AP4M1: variants seen among roughly 807,000 people sequenced by gnomAD.
AP4M1 encodes AP-4 complex subunit mu-1.
In AP4M1, 58 loss-of-function variants were observed where a neutral mutation model predicts 62.4. The observed-to-expected ratio is 0.93, with a 90% CI of 0.75 to 1.16. The LOEUF (loss-of-function observed/expected upper bound fraction) is 1.16, where lower values mean the gene tolerates loss of function less well. Ranked by LOEUF, AP4M1 falls within the 50% of genes most tolerant of loss-of-function variation. The probability of loss-of-function intolerance (pLI) is 0.00; values close to 1 mark genes in which losing one functional copy is unlikely to be tolerated. For missense variants in AP4M1, 626 were observed against 585.4 expected, an observed-to-expected ratio of 1.07 and a Z score of -0.72; for synonymous variants, 290 against 239.7, an observed-to-expected ratio of 1.21 and a Z score of -1.94.
chr7:100,101,589 C>T (rs1321860581), upstream of AP4M1: 3 of 1,068,306 alleles, frequency 2.8e-6, no homozygotes, highest in East Asian at 7.3e-5. Context: ...TCCCGCGGTC[C>T]GAGCTGGCGC....
At chr7:100,105,411 A>C in intron 10 of AP4M1, 34 bp from the exon 11 acceptor site, 1 of 1,613,322 alleles carries the variant, frequency 6.2e-7, no homozygotes, top group Non-Finnish European at 8.5e-7. Flanking sequence ...GGGTCGTGAG[A>C]CCAAACTAAC....
intron 2 of AP4M1, 124 bp from the exon 3 acceptor site, chr7:100,102,551 A>G (rs775044649): frequency 2.5e-6 from 2 of 803,408 alleles, no homozygotes; most frequent in Non-Finnish European, 4.2e-6. Flanking sequence ...TATGTCATGT[A>G]TCTCCCAAAG....
chr7:100,101,840 T>C, intron 1 of AP4M1, 40 bp from the exon 2 acceptor site: 1 of 1,612,308 alleles, frequency 6.2e-7, no homozygotes, highest in East Asian at 2.2e-5. Context: ...AGGGCCAGCC[T>C]GTGTCGCAGG....
In AP4M1 at chr7:100,106,305, C is replaced by T; in HGVS notation, c.1025+14C>T. On this transcript the variant is annotated intron_variant, in intron 13 of 14. Transcript: ENST00000359593. ...AGGGGTGGTCAGGTGAGTGTGTGCA[C>T]CCACCACGGGGAGATTCCTGGGGAG... 1 of 1,613,826 alleles carries T rather than the reference C, an allele frequency of 6.2e-7. No individual in the cohort carries two copies. The highest frequency in any genetic ancestry group is 8.5e-7 in the Non-Finnish European group (1 of 1,179,850).
rs753585341 is a variant in AP4M1 at position 100,108,566 on chromosome 7, AGAGG to A, written c.*1690_*1693del. ...CTGCAGAACAGAAAAAAAGCCAGGT[AGAGG>A]GAGGGCTGGGGAAAAAAGCCAGGTA... On this transcript the variant is annotated 3_prime_UTR_variant, in exon 15 of 15. Transcript: ENST00000359593. 3.8e-6 allele frequency: 6 copies of A among 1,576,144 alleles called. No individual in the cohort carries two copies. The South Asian group carries it at 6.8e-5, about 18-fold the overall frequency.
Position 100,107,302 on chromosome 7 carries a change from TC to T in AP4M1, c.*423del, listed in dbSNP as rs771483366. On this transcript the variant is annotated 3_prime_UTR_variant, in exon 15 of 15. Transcript: ENST00000359593. ...GGCTGGGAGCCATTGGCTTTTGGAGTCCCTGGAGCTGGAGGGGGACTGTCCC... is the reference window on the plus strand; with the variant it reads ...GGCTGGGAGCCATTGGCTTTTGGAGTCCTGGAGCTGGAGGGGGACTGTCCC... 3 of 1,522,830 alleles carry T rather than the reference TC, an allele frequency of 2.0e-6. No homozygotes were observed. In the African/African-American group the frequency reaches 4.2e-5, roughly 21 times the overall value. The allele number at this position is 1,522,830 out of a possible 1,614,324, so 94.3% of individuals were successfully genotyped here.
At chr7:100,101,003 T>G, upstream of AP4M1, 2 of 827,464 alleles carry the variant, frequency 2.4e-6, no homozygotes, top group Non-Finnish European at 3.6e-6. Flanking sequence ...CCCAGCCGGG[T>G]TAGCGCGCCC....
At position 100,103,611 on chromosome 7, in the gene AP4M1, G is replaced by A; in HGVS notation, c.463-1G>A. 1 of 1,614,112 alleles carries A rather than the reference G, an allele frequency of 6.2e-7. No individual in the cohort carries two copies. The highest frequency in any genetic ancestry group is 1.3e-5 in the African/African-American group (1 of 75,050). ...GATTGATTGCTTTGGATGCTTTACA[G>A]TTTGGGGCTGAGACACAACAGAGCA... On this transcript the variant is annotated splice_acceptor_variant, in intron 5 of 14. Transcript: ENST00000359593. LOFTEE classifies it high-confidence loss of function.
chr7:100,100,801 C>T (rs1435425854), upstream of AP4M1: 12 of 996,152 alleles, frequency 1.2e-5, no homozygotes, highest in Non-Finnish European at 1.3e-5. Flanking sequence ...TCCACTTCCG[C>T]TCGGAGGGCG....
chr7:100,101,379 T>G, upstream of AP4M1: 3 of 1,581,554 alleles, frequency 1.9e-6, no homozygotes, highest in South Asian at 1.1e-5. Context: ...CGGTGGACTG[T>G]GGCCGGCCAA....
rs371003912 is a variant in AP4M1 at position 100,104,958 on chromosome 7, A to G, written c.673+18A>G. 1.1e-5 allele frequency: 18 copies of G among 1,613,992 alleles called. No individual in the cohort carries two copies. Among genetic ancestry groups the G allele is most frequent in the Non-Finnish European group, 1.4e-5 (17 of 1,179,956 alleles). On this transcript the variant is annotated intron_variant, in intron 8 of 14. Transcript: ENST00000359593. ...CGGCTCTGGTGAGGCATCTGCAGGC[A>G]GGACCAAGGGTTGGGGTTAGGGCGG... is the stretch of plus-strand genomic sequence containing the variant.
In AP4M1 at chr7:100,107,425, C is replaced by T. The variant is rs1267156911; in HGVS notation, c.*543C>T. Reference sequence around the variant, plus strand: ...GGAGAAGGATGGGAGGTGGGGCCTCCTTTGCCCTCCCCTGTTGGGGGAAGT... The same window carrying T: ...GGAGAAGGATGGGAGGTGGGGCCTCTTTTGCCCTCCCCTGTTGGGGGAAGT... On this transcript the variant is annotated 3_prime_UTR_variant, in exon 15 of 15. Coordinates refer to ENST00000359593, the MANE Select transcript of AP4M1 (RefSeq NM_004722.4). 2.5e-6 allele frequency: 4 copies of T among 1,610,204 alleles called. No individual in the cohort carries two copies. Among genetic ancestry groups the T allele is most frequent in the Non-Finnish European group, 3.4e-6 (4 of 1,177,366 alleles).
Position 100,108,534 on chromosome 7 carries a change from A to G in AP4M1, c.*1652A>G. The G allele has an allele frequency of 6.2e-7, 1 of 1,607,144 alleles. No individual in the cohort carries two copies. On this transcript the variant is annotated 3_prime_UTR_variant, in exon 15 of 15. Coordinates refer to ENST00000359593, the MANE Select transcript of AP4M1 (RefSeq NM_004722.4). ...CGCAGCTTTGCCAGAACAGGAGCACAGTGTTTCTGCAGAACAGAAAAAAAG... is the reference window on the plus strand; with the variant it reads ...CGCAGCTTTGCCAGAACAGGAGCACGGTGTTTCTGCAGAACAGAAAAAAAG...
chr7:100,105,447 G>A lies in AP4M1; in HGVS notation c.837G>A (p.Leu279=). 6.2e-7 allele frequency: 1 copy of A among 1,614,062 alleles called. No individual in the cohort carries two copies. The highest frequency in any genetic ancestry group is 8.5e-7 in the Non-Finnish European group (1 of 1,179,984). ...ILRLQPPQGE[L]TVMRYQLSDD... ...CTTGTTGCTCTCTGGTCTCTCAGCT[G>A]ACTGTGATGCGGTACCAACTCTCCG... Residue 279 remains leucine (L), a splice_region_variant and synonymous_variant, in exon 11 of 15, where the codon CTG becomes CTA. Coordinates refer to ENST00000359593, the MANE Select transcript of AP4M1 (RefSeq NM_004722.4).
At position 100,108,618 on chromosome 7, in the gene AP4M1, T is replaced by A; in HGVS notation, c.*1736T>A. On this transcript the variant is annotated 3_prime_UTR_variant, in exon 15 of 15. Coordinates refer to ENST00000359593, the MANE Select transcript of AP4M1 (RefSeq NM_004722.4). ...GTAGAGGGAGGGCTGGTGACACTCT[T>A]GAGAAGAACCTTGGGGATGGGGTAA... 1 of 1,482,586 alleles carries A rather than the reference T, an allele frequency of 6.7e-7. No individual in the cohort carries two copies. The highest frequency in any genetic ancestry group is 9.1e-7 in the Non-Finnish European group (1 of 1,103,866). The allele number at this position is 1,482,586 out of a possible 1,614,324, so 91.8% of individuals were successfully genotyped here. A position where few individuals can be genotyped will look rare whatever the true frequency, so the allele number is the denominator to read the frequency against.
chr7:100,101,204 A>C, upstream of AP4M1: 3 of 1,600,090 alleles, frequency 1.9e-6, no homozygotes, highest in South Asian at 3.3e-5. Flanking sequence ...GCTCACACCA[A>C]CAGGTGTTCC....
intron 9 of AP4M1, 47 bp downstream of exon 9, chr7:100,105,145 G>A: frequency 6.2e-7 from 1 of 1,613,344 alleles, no homozygotes; most frequent in Non-Finnish European, 8.5e-7. Context: ...GTCATTGCCA[G>A]AGTTCATGGA....
In AP4M1 at chr7:100,106,915, G is replaced by A; in HGVS notation, c.*33G>A. ...CAAACGAGGACACGACGGCCAAGGT[G>A]GCAGTTTGTCCCACGGGAGGACAGT... On this transcript the variant is annotated 3_prime_UTR_variant, in exon 15 of 15. Coordinates refer to ENST00000359593, the MANE Select transcript of AP4M1 (RefSeq NM_004722.4). 2.5e-6 allele frequency: 4 copies of A among 1,599,768 alleles called. No homozygotes were observed. The African/African-American group carries it at 4.0e-5, about 16-fold the overall frequency.
Position 100,103,519 on chromosome 7 carries a change from G to T in AP4M1, c.462G>T (p.Leu154Phe). ...FSLFDLSSVG[L>F]FGAETQQSKV... ...TCTTTGACCTCAGCAGCGTTGGCTT[G>T]GTCAGTAGAGGGAAAGAGGAGGGTG... The change falls in exon 5 of 15, where the codon TTG (leucine) becomes TTT (phenylalanine). Residue 154 changes from leucine (L) to phenylalanine (F), a missense_variant and splice_region_variant. Transcript: ENST00000359593. The T allele has an allele frequency of 6.2e-7, 1 of 1,614,136 alleles. No individual in the cohort carries two copies. Among genetic ancestry groups the T allele is most frequent in the Non-Finnish European group, 8.5e-7 (1 of 1,179,996 alleles).
Sources: allele counts gnomAD v4.1 joint callset, GRCh38; gene constraint gnomAD v4.1.1; transcripts MANE v1.5; gene names NCBI Gene and HGNC (gene_info 2026-07-23, HGNC 2026-07-21).